FGD3: variants seen among roughly 807,000 people sequenced by gnomAD.
FGD3 encodes FYVE, RhoGEF and PH domain-containing protein 3.
FGD3 carries 45 observed loss-of-function variants against 71.8 expected under a neutral mutation model. That is an observed-to-expected ratio of 0.63 (90% CI 0.49 to 0.80). The LOEUF (loss-of-function observed/expected upper bound fraction) is 0.80. Among genes scored for constraint, FGD3 ranks in the 30% least tolerant of loss-of-function variants. The pLI, the probability that FGD3 is intolerant of heterozygous loss-of-function variation, is 0.00. For missense variants in FGD3, 844 were observed against 951.5 expected, an observed-to-expected ratio of 0.89 and a Z score of 1.49; for synonymous variants, 378 against 392.8, an observed-to-expected ratio of 0.96 and a Z score of 0.44.
At chr9:92,972,974 A>G (rs1485239456) in intron 1 of FGD3, among the ~76,000 whole-genome samples, 1 of 152,146 alleles carries the variant, frequency 6.6e-6, no homozygotes, top group Non-Finnish European at 1.5e-5. Context: ...GGATTTTAGA[A>G]CATAGGATGA....
chr9:92,995,854 A>G (rs561540758), intron 3 of FGD3, among the ~76,000 whole-genome samples: 3 of 152,056 alleles, frequency 2.0e-5, no homozygotes, highest in Non-Finnish European at 1.5e-5. Context: ...AAGCCTTTTG[A>G]TGTGCTGCTG....
chr9:92,982,634 G>A (rs748761198), intron 3 of FGD3, among the ~76,000 whole-genome samples: 14 of 150,784 alleles, frequency 9.3e-5, no homozygotes, highest in Non-Finnish European at 1.6e-4. Flanking sequence ...CAAGATCACC[G>A]TTCATGCAGT....
In FGD3 at chr9:93,034,574, C is replaced by T. The variant is rs1373814136; in HGVS notation, c.1819C>T (p.Leu607Phe). Residue 607 changes from leucine (L) to phenylalanine (F), a missense_variant, in exon 17 of 18, where the codon CTC (leucine) becomes TTC (phenylalanine). Coordinates refer to ENST00000375482, the MANE Select transcript of FGD3 (RefSeq NM_001083536.2). ...TPTADPQPSL[L>F]CGPLRLSESG... ...CACTGCAGACCCCCAGCCCAGCCTG[C>T]TCTGCGGCCCCCTGCGGCTGTCAGA... is the stretch of plus-strand genomic sequence containing the variant. 1 of 1,613,268 alleles carries T rather than the reference C, an allele frequency of 6.2e-7. No individual in the cohort carries two copies. Among genetic ancestry groups the T allele is most frequent in the Admixed American group, 1.7e-5 (1 of 59,992 alleles).
intron 2 of FGD3, 30 bp from the exon 3 acceptor site, chr9:92,976,178 C>A: frequency 7.5e-7 from 1 of 1,338,916 alleles, no homozygotes. Flanking sequence ...GCCTGGCTAG[C>A]ACTGACTCTG....
rs117365028 is a variant in FGD3, at chr9:93,019,343, C to T, written c.1356-488C>T. The stretch of plus-strand genomic sequence containing the variant: ...GCTAGTTCCCACTGACGAGGACCTG[C>T]GCTCCTCCCGAACCTGGCCATCACA... On this transcript the variant is annotated intron_variant, in intron 11 of 17. Coordinates refer to ENST00000375482, the MANE Select transcript of FGD3 (RefSeq NM_001083536.2). Among the ~76,000 whole-genome samples the T allele has an allele frequency of 2.0e-3, 309 of 152,320 alleles. 1 individual carries two copies. Among genetic ancestry groups the T allele is most frequent in the Admixed American group, 0.011 (161 of 15,294 alleles).
At chr9:92,984,825 TGGAG>T (rs964140386) in intron 3 of FGD3, among the ~76,000 whole-genome samples, 2 of 150,356 alleles carry the variant, frequency 1.3e-5, no homozygotes, top group Non-Finnish European at 3.0e-5. Context: ...TTTTTTTTTT[TGGAG>T]GGAGGGAGTG....
chr9:92,975,710 G>A (rs1022749544), intron 2 of FGD3, among the ~76,000 whole-genome samples: 1 of 152,116 alleles, frequency 6.6e-6, no homozygotes, highest in Non-Finnish European at 1.5e-5. Flanking sequence ...CTCCCCTGAG[G>A]GAGATAGTAG....
intron 1 of FGD3, among the ~76,000 whole-genome samples, chr9:92,968,797 T>C (rs568175059): frequency 1.2e-4 from 18 of 152,264 alleles, no homozygotes; most frequent in African/African-American, 4.3e-4. Flanking sequence ...AGATGGGGTT[T>C]CACCATATTC....
intron 1 of FGD3, among the ~76,000 whole-genome samples, chr9:92,952,393 C>T (rs1268025794): frequency 2.6e-5 from 4 of 152,076 alleles, no homozygotes; most frequent in African/African-American, 4.8e-5. Context: ...CCCGCCACCA[C>T]GCCCGGCTAA....
intron 1 of FGD3, among the ~76,000 whole-genome samples, chr9:92,966,621 G>A (rs1587815703): frequency 6.6e-6 from 1 of 152,232 alleles, no homozygotes; most frequent in African/African-American, 2.4e-5. Context: ...CTGGGAGTCT[G>A]TATGAGGCCT....
intron 7 of FGD3, among the ~76,000 whole-genome samples, chr9:93,010,737 AAGAG>A (rs772187634): frequency 2.8e-5 from 4 of 142,380 alleles, no homozygotes; most frequent in South Asian, 4.4e-4. Context: ...GAGAGAGAGA[AAGAG>A]AGAGAACAAG....
intron 5 of FGD3, among the ~76,000 whole-genome samples, chr9:93,004,816 C>T (rs1860991988): frequency 1.3e-5 from 2 of 152,200 alleles, no homozygotes; most frequent in South Asian, 4.1e-4. Context: ...AGCTGCAACC[C>T]AGGAGACCAC....
chr9:93,008,670 A>G (rs1225736686), intron 6 of FGD3, among the ~76,000 whole-genome samples: 1 of 152,132 alleles, frequency 6.6e-6, no homozygotes, highest in Non-Finnish European at 1.5e-5. Context: ...TTTTTCCCCT[A>G]TTAAGTTTCT....
At chr9:93,035,208 C>G (rs575729075) in intron 17 of FGD3, 130 bp from the exon 18 acceptor site, 1 of 1,331,012 alleles carries the variant, frequency 7.5e-7, no homozygotes, top group Admixed American at 2.7e-5. Context: ...GCCACCAGAC[C>G]CCTCGGGCTC....
At chr9:92,958,785 C>T (rs145768184) in intron 1 of FGD3, among the ~76,000 whole-genome samples, 2 of 152,280 alleles carry the variant, frequency 1.3e-5, no homozygotes, top group Non-Finnish European at 2.9e-5. Context: ...GTACGGCTAT[C>T]TAAATGTTCC....
chr9:92,996,333 A>G (rs1241085018), intron 3 of FGD3, among the ~76,000 whole-genome samples: 1 of 152,062 alleles, frequency 6.6e-6, no homozygotes, highest in Admixed American at 6.5e-5. Flanking sequence ...TATCCTCTTT[A>G]TCATTTTTTA....
intron 14 of FGD3, among the ~76,000 whole-genome samples, chr9:93,027,867 G>A (rs116918218): frequency 6.6e-5 from 10 of 151,632 alleles, no homozygotes; most frequent in Admixed American, 4.6e-4. Context: ...CTACAGGCAC[G>A]TGCCACCACA....
intron 1 of FGD3, among the ~76,000 whole-genome samples, chr9:92,952,489 G>A (rs979120508): frequency 2.6e-5 from 4 of 151,850 alleles, no homozygotes; most frequent in Admixed American, 6.6e-5. Flanking sequence ...CGCCTGCCTC[G>A]CCCTTCCAAA....
chr9:92,984,208 C>A (rs1051311247), intron 3 of FGD3, among the ~76,000 whole-genome samples: 3 of 152,242 alleles, frequency 2.0e-5, no homozygotes, highest in African/African-American at 7.2e-5. Flanking sequence ...ACAACTTGCA[C>A]TGACCATCTA....
Sources: gnomAD v4.1 joint callset for allele counts (sites outside exome capture counted in the v4.1 genomes callset) on GRCh38, gnomAD v4.1.1 for gene constraint, MANE v1.5 for transcripts, NCBI Gene and HGNC (gene_info 2026-07-23, HGNC 2026-07-21) for gene names.